Variants in POR observed in about 807,000 individuals in gnomAD.
The protein encoded by POR is NADPH--cytochrome P450 reductase.
A neutral mutation model predicts 84.0 loss-of-function variants in POR; 56 were observed. The observed-to-expected ratio is 0.67, with a 90% CI of 0.54 to 0.83. POR has a LOEUF of 0.83. Among genes scored for constraint, POR ranks in the 40% least tolerant of loss-of-function variants. POR has a pLI of 0.00. For synonymous variants in POR, 414 were observed against 400.5 expected, an observed-to-expected ratio of 1.03 and a Z score of -0.40; for missense variants, 938 against 944.3, an observed-to-expected ratio of 0.99 and a Z score of 0.09.
intron 2 of POR, among the ~76,000 whole-genome samples, chr7:75,960,348 C>T (rs1554554309): frequency 6.6e-6 from 1 of 151,950 alleles, no homozygotes; most frequent in Non-Finnish European, 1.5e-5. Context: ...CACGTCCACT[C>T]CCACTCACTC....
intron 2 of POR, chr7:75,968,356 C>A: frequency 2.2e-6 from 1 of 451,824 alleles, no homozygotes. Flanking sequence ...CCCCTCTGGT[C>A]CAGGACTTGC....
At chr7:75,980,623 G>A (rs1554557624) in intron 5 of POR, 135 bp downstream of exon 5, 1 of 1,585,694 alleles carries the variant, frequency 6.3e-7, no homozygotes, top group Non-Finnish European at 8.5e-7. Flanking sequence ...CCACTTGTGA[G>A]ACCCTCTCCT....
intron 1 of POR, 130 bp from the exon 2 acceptor site, chr7:75,953,859 T>C: frequency 1.4e-6 from 1 of 698,492 alleles, no homozygotes; most frequent in Admixed American, 2.9e-5. Context: ...GAGCCCCTTC[T>C]CCTACCCCGT....
intron 1 of POR, among the ~76,000 whole-genome samples, chr7:75,943,065 C>T (rs1463875173): frequency 6.6e-6 from 1 of 151,770 alleles, no homozygotes; most frequent in Non-Finnish European, 1.5e-5. Context: ...GTTTCTTCTG[C>T]CTCAGCCTCC....
chr7:75,928,191 G>A (rs1447311354), intron 1 of POR, among the ~76,000 whole-genome samples: 1 of 151,942 alleles, frequency 6.6e-6, no homozygotes, highest in East Asian at 1.9e-4. Flanking sequence ...GGCTGGTCTC[G>A]AACTCCTGAC....
chr7:75,973,257 G>C (rs1305201579), intron 3 of POR, among the ~76,000 whole-genome samples: 1 of 152,158 alleles, frequency 6.6e-6, no homozygotes, highest in Non-Finnish European at 1.5e-5. Context: ...TCCTTCTAGA[G>C]TTCCTGTATG....
intron 1 of POR, among the ~76,000 whole-genome samples, chr7:75,931,279 C>T (rs1429396793): frequency 2.0e-5 from 3 of 152,166 alleles, no homozygotes; most frequent in African/African-American, 7.2e-5. Flanking sequence ...GTGGATGGAC[C>T]TTGAAGACAT....
chr7:75,923,297 T>C (rs1806963370), intron 1 of POR: 1 of 1,217,246 alleles, frequency 8.2e-7, no homozygotes, highest in African/African-American at 1.5e-5. Context: ...CAAGGAAGCA[T>C]TTCCAGGAGA....
intron 7 of POR, 72 bp from the exon 8 acceptor site, chr7:75,982,152 G>A: frequency 8.5e-7 from 1 of 1,176,802 alleles, no homozygotes; most frequent in East Asian, 2.5e-5. Flanking sequence ...GGTCTCCCCT[G>A]TAGTCCAACC....
intron 1 of POR, among the ~76,000 whole-genome samples, chr7:75,922,163 G>A (rs1484442529): frequency 1.3e-5 from 2 of 152,146 alleles, no homozygotes; most frequent in South Asian, 2.1e-4. Flanking sequence ...TCATTTCTGC[G>A]AGTGTAAGCT....
chr7:75,946,727 T>G (rs1264511576), intron 1 of POR: 1 of 152,248 alleles, frequency 6.6e-6, no homozygotes, highest in African/African-American at 2.4e-5. Context: ...GATACTGTGT[T>G]TGGCCCCATG....
chr7:75,947,320 G>C (rs1787216470), intron 1 of POR: 1 of 152,428 alleles, frequency 6.6e-6, no homozygotes, highest in African/African-American at 2.4e-5. Context: ...TGTTGCCCAG[G>C]CTGGAGTGCA....
chr7:75,932,221 C>T (rs1206259960), intron 1 of POR, among the ~76,000 whole-genome samples: 1 of 150,458 alleles, frequency 6.6e-6, no homozygotes, highest in African/African-American at 2.4e-5. Flanking sequence ...TCTCTGTCTG[C>T]CCAGGCTGGA....
intron 2 of POR, chr7:75,967,764 G>A (rs1436650370): frequency 3.5e-6 from 1 of 286,992 alleles, no homozygotes; most frequent in Non-Finnish European, 7.2e-6. Context: ...CCATACAGAG[G>A]GAGGAGGGGT....
At chr7:75,979,865 C>G in intron 4 of POR, 1 of 417,164 alleles carries the variant, frequency 2.4e-6, no homozygotes, top group South Asian at 2.6e-5. Context: ...CCAAACCAAA[C>G]CCACCCTCCC....
intron 1 of POR, among the ~76,000 whole-genome samples, chr7:75,922,079 G>T (rs1806899597): frequency 6.6e-6 from 1 of 152,092 alleles, no homozygotes. Context: ...TTAATAAAAG[G>T]TGTCTAATTC....
rs782815097 is a variant in POR, at chr7:75,986,207, T to G, written c.1864T>G (p.Leu622Val). The stretch of plus-strand genomic sequence containing the variant: ...GCAAGACCGAGAGCACCTGTGGAAG[T>G]TGATCGAAGGCGGTGCCCACATCTA... The change falls in exon 15 of 16, where the codon TTG (leucine) becomes GTG (valine). Residue 622 changes from leucine to valine, a missense_variant. Physicochemically the swap from Leu to Val is conservative, Grantham distance 32. Coordinates refer to ENST00000461988, the MANE Select transcript of POR (RefSeq NM_000941.3). 2.0e-5 allele frequency: 32 copies of G among 1,612,480 alleles called. 1 individual carries two copies. Among genetic ancestry groups the G allele is most frequent in the Non-Finnish European group, 2.6e-5 (31 of 1,179,778 alleles).
At chr7:75,942,740 A>G (rs1336567318) in intron 1 of POR, among the ~76,000 whole-genome samples, 1 of 151,730 alleles carries the variant, frequency 6.6e-6, no homozygotes, top group African/African-American at 2.4e-5. Context: ...TAGGAATTGT[A>G]TGGCGCAGGT....
intron 1 of POR, chr7:75,921,360 C>G (rs1315370576): frequency 6.6e-6 from 1 of 150,842 alleles, no homozygotes; most frequent in Non-Finnish European, 1.5e-5. Flanking sequence ...CTCCCAGGTT[C>G]AAGTGATTCT....
Sources: allele counts gnomAD v4.1 joint callset (sites outside exome capture counted in the v4.1 genomes callset), GRCh38; gene constraint gnomAD v4.1.1; transcripts MANE v1.5; gene names NCBI Gene and HGNC (gene_info 2026-07-23, HGNC 2026-07-21).